GNG12: variants seen among roughly 807,000 people sequenced by gnomAD.
The protein encoded by GNG12 is guanine nucleotide-binding protein G(I)/G(S)/G(O) subunit gamma-12.
For synonymous variants in GNG12, 28 were observed against 29.7 expected (o/e 0.94, Z 0.19); for missense variants, 69 against 83.8 (o/e 0.82, Z 0.69).
chr1:67,753,125 G>C (rs926827410), intron 2 of GNG12, among the ~76,000 whole-genome samples: 1 of 152,274 alleles, frequency 6.6e-6, no homozygotes, highest in South Asian at 2.1e-4. Flanking sequence ...CCAGCACATG[G>C]AACACTGCTG....
chr1:67,791,998 T>G (rs533298055), intron 1 of GNG12, among the ~76,000 whole-genome samples: 3 of 152,218 alleles, frequency 2.0e-5, no homozygotes, highest in Non-Finnish European at 4.4e-5. Flanking sequence ...TTCTTCCTTC[T>G]GCTTAAACTT....
In GNG12 at chr1:67,788,196, G is replaced by GATT. The variant is rs200409798; in HGVS notation, c.-76-10692_-76-10690dup. ...GCAAAAGCCTAGCTGAGGGCTTAGT[G>GATT]ATTACTATCTGTGTGCTAACGTCAA... On this transcript the variant is annotated intron_variant, in intron 1 of 3. Transcript: ENST00000370982. Among the ~76,000 whole-genome samples the GATT allele has an allele frequency of 6.4e-3, 970 of 152,312 alleles. 14 individuals carry two copies. The highest frequency in any genetic ancestry group is 0.022 in the African/African-American group (923 of 41,578).
chr1:67,809,204 C>A (rs1012353787), intron 1 of GNG12, among the ~76,000 whole-genome samples: 5 of 151,992 alleles, frequency 3.3e-5, no homozygotes, highest in African/African-American at 4.8e-5. Flanking sequence ...ACAAATAGTG[C>A]CAGAACTGGA....
intron 1 of GNG12, among the ~76,000 whole-genome samples, chr1:67,780,744 A>G (rs915683902): frequency 6.6e-6 from 1 of 152,198 alleles, no homozygotes; most frequent in Non-Finnish European, 1.5e-5. Flanking sequence ...GTTCAATACC[A>G]GAGGGAGAAG....
chr1:67,788,508 A>AT lies in GNG12; in HGVS notation c.-76-11002dup, dbSNP rs1025504306. On this transcript the variant is annotated intron_variant, in intron 1 of 3. Coordinates refer to ENST00000370982, the MANE Select transcript of GNG12 (RefSeq NM_018841.6). ...TTCACCACACCCAGCTAGTTTTTGTATTTTTTTTTTTTTAAGGAGATAGTG... is the reference window on the plus strand; with the variant it reads ...TTCACCACACCCAGCTAGTTTTTGTATTTTTTTTTTTTTTAAGGAGATAGTG... 7.5e-3 allele frequency among the ~76,000 whole-genome samples: 1,059 copies of AT among 140,588 alleles called. 8 individuals are homozygous for AT. The highest frequency in any genetic ancestry group is 0.02 in the African/African-American group (782 of 38,390). The allele number at this position is 140,588 out of a possible 152,430, so 92.2% of individuals were successfully genotyped here.
intron 1 of GNG12, among the ~76,000 whole-genome samples, chr1:67,787,070 T>TGTGTGTGTGTGTGTG (rs1491226955): frequency 2.1e-5 from 3 of 139,562 alleles, no homozygotes; most frequent in African/African-American, 8.2e-5. Context: ...TGTGTGTGTG[T>TGTGTGTGTGTGTGTG]ATAGTCCCCC....
At position 67,702,300 on chromosome 1, in the gene GNG12, G is replaced by A. The variant is rs1027537365; in HGVS notation, c.*3151C>T. On this transcript the variant is annotated 3_prime_UTR_variant, in exon 4 of 4. Transcript: ENST00000370982. Reference sequence around the variant, plus strand: ...GGCATGTACTACGATCATTTTGGGGGCCTATATAGATCTTACATCAAAATT... The same window carrying A: ...GGCATGTACTACGATCATTTTGGGGACCTATATAGATCTTACATCAAAATT... 2 of 152,118 alleles carry A rather than the reference G, an allele frequency of 1.3e-5. No homozygotes were observed. Among genetic ancestry groups the A allele is most frequent in the Admixed American group, 6.5e-5 (1 of 15,276 alleles). The allele number at this position is 152,118 out of a possible 1,614,324, so 9.4% of individuals were successfully genotyped here. A position where few individuals can be genotyped will look rare whatever the true frequency, so the allele number is the denominator to read the frequency against.
intron 2 of GNG12, among the ~76,000 whole-genome samples, chr1:67,766,939 G>C (rs1020158796): frequency 6.6e-6 from 1 of 152,194 alleles, no homozygotes; most frequent in African/African-American, 2.4e-5. Flanking sequence ...CTATTCCCAA[G>C]GGAGAATCAA....
At chr1:67,789,661 G>A (rs1423765353) in intron 1 of GNG12, among the ~76,000 whole-genome samples, 1 of 152,174 alleles carries the variant, frequency 6.6e-6, no homozygotes, top group East Asian at 1.9e-4. Flanking sequence ...GGTTATGTCT[G>A]CTACAGAGTC....
At chr1:67,732,230 G>A (rs984176326) in intron 2 of GNG12, among the ~76,000 whole-genome samples, 1 of 152,236 alleles carries the variant, frequency 6.6e-6, no homozygotes, top group African/African-American at 2.4e-5. Flanking sequence ...AAGTGTACGT[G>A]AGGAATATTG....
chr1:67,829,651 T>C (rs1478134386), intron 1 of GNG12, among the ~76,000 whole-genome samples: 2 of 152,212 alleles, frequency 1.3e-5, no homozygotes, highest in Non-Finnish European at 2.9e-5. Flanking sequence ...ACAACACTTA[T>C]TGAAGCATAG....
At chr1:67,827,214 T>C (rs771207694) in intron 1 of GNG12, among the ~76,000 whole-genome samples, 3 of 152,204 alleles carry the variant, frequency 2.0e-5, no homozygotes, top group Admixed American at 6.5e-5. Flanking sequence ...TACATGACCT[T>C]GCCTGCAAGG....
chr1:67,770,730 T>C (rs139450433), intron 2 of GNG12, among the ~76,000 whole-genome samples: 2 of 152,236 alleles, frequency 1.3e-5, no homozygotes, highest in African/African-American at 4.8e-5. Context: ...CCCCTTTCCC[T>C]GTCTGCCAGG....
intron 1 of GNG12, among the ~76,000 whole-genome samples, chr1:67,818,448 A>G (rs1371659736): frequency 8.5e-6 from 1 of 118,250 alleles, no homozygotes; most frequent in African/African-American, 3.4e-5. Flanking sequence ...TTTTACTTCC[A>G]ATTCAATATG....
intron 1 of GNG12, among the ~76,000 whole-genome samples, chr1:67,806,010 A>G (rs1025551613): frequency 6.6e-6 from 1 of 152,126 alleles, no homozygotes; most frequent in African/African-American, 2.4e-5. Flanking sequence ...TTGAGAGAAA[A>G]AAAACGAACC....
intron 1 of GNG12, among the ~76,000 whole-genome samples, chr1:67,828,148 C>A (rs1647021814): frequency 6.6e-6 from 1 of 152,186 alleles, no homozygotes; most frequent in Non-Finnish European, 1.5e-5. Flanking sequence ...GTAGGCTTCA[C>A]AGGGTCACCA....
chr1:67,763,090 G>GGA (rs71064962), intron 2 of GNG12, among the ~76,000 whole-genome samples: 4,221 of 116,774 alleles, frequency 0.036, 175 homozygotes, highest in African/African-American at 0.1. Context: ...TACCCTCCCA[G>GGA]GAGAGAGAGA....
intron 1 of GNG12, among the ~76,000 whole-genome samples, chr1:67,829,256 T>G (rs963825692): frequency 6.6e-5 from 10 of 152,232 alleles, no homozygotes; most frequent in African/African-American, 2.4e-4. Flanking sequence ...TTCCCCATTT[T>G]AAACTGTAAC....
At chr1:67,774,283 A>C (rs3766276) in intron 2 of GNG12, among the ~76,000 whole-genome samples, 15,150 of 152,162 alleles carry the variant, frequency 0.1, 876 homozygotes, top group African/African-American at 0.15. Flanking sequence ...TGAACTGGGG[A>C]CTTATTTTAT....
Sources: gnomAD v4.1 joint callset for allele counts (sites outside exome capture counted in the v4.1 genomes callset) on GRCh38, gnomAD v4.1.1 for gene constraint, MANE v1.5 for transcripts, NCBI Gene and HGNC (gene_info 2026-07-23, HGNC 2026-07-21) for gene names.